Variants in NBAS observed in about 807,000 individuals in gnomAD.
NBAS encodes NBAS subunit of NRZ tethering complex.
Under a neutral mutation model 302.5 loss-of-function variants are expected in NBAS, and 219 were observed. The observed-to-expected ratio is 0.72, with a 90% CI of 0.65 to 0.81. NBAS has a LOEUF of 0.81. NBAS is among the 30% of genes least tolerant of loss of function. The pLI, the probability that NBAS is intolerant of heterozygous loss-of-function variation, is 0.00. For missense variants in NBAS, 2,932 were observed against 2,841.6 expected (o/e 1.03, Z -0.72); for synonymous variants, 1,118 against 1,021.6 (o/e 1.09, Z -1.80).
At chr2:14,935,489 A>G in the NBAS span, among the ~76,000 whole-genome samples, 37 of 152,112 alleles carry the variant, frequency 2.4e-4, no homozygotes, top group African/African-American at 8.0e-4. Context: ...TTTTTATGCT[A>G]TCAAATTTGT....
chr2:15,160,897 G>A, the NBAS span, among the ~76,000 whole-genome samples: 3 of 152,122 alleles, frequency 2.0e-5, no homozygotes, highest in African/African-American at 7.2e-5. Flanking sequence ...TCAGTAAGAA[G>A]GTAACATGAA....
the NBAS span, among the ~76,000 whole-genome samples, chr2:15,004,388 A>G: frequency 6.6e-6 from 1 of 152,212 alleles, no homozygotes; most frequent in Non-Finnish European, 1.5e-5. Context: ...TATTTTTATC[A>G]TTACATTTTC....
At chr2:15,355,807 C>A (rs987197261) in intron 33 of NBAS, among the ~76,000 whole-genome samples, 2 of 152,132 alleles carry the variant, frequency 1.3e-5, no homozygotes, top group African/African-American at 4.8e-5. Flanking sequence ...GCAGATGCTG[C>A]CCTACTTCCT....
At chr2:14,998,630 T>C in the NBAS span, among the ~76,000 whole-genome samples, 5 of 152,214 alleles carry the variant, frequency 3.3e-5, no homozygotes, top group Non-Finnish European at 5.9e-5. Context: ...TCCCATTCCC[T>C]TCCCTTCACA....
At chr2:15,521,836 T>C (rs1247518822) in intron 9 of NBAS, among the ~76,000 whole-genome samples, 1 of 152,180 alleles carries the variant, frequency 6.6e-6, no homozygotes, top group Non-Finnish European at 1.5e-5. Context: ...TAAAGCTTTA[T>C]GGAACACAGC....
chr2:15,211,507 G>A (rs1666409147), intron 48 of NBAS, among the ~76,000 whole-genome samples: 1 of 152,174 alleles, frequency 6.6e-6, no homozygotes, highest in South Asian at 2.1e-4. Flanking sequence ...CAAATGAAAA[G>A]TTATCCCCAG....
chr2:15,375,879 T>C (rs1393659393), intron 30 of NBAS, among the ~76,000 whole-genome samples: 1 of 151,756 alleles, frequency 6.6e-6, no homozygotes, highest in Non-Finnish European at 1.5e-5. Flanking sequence ...GAACTGTCTG[T>C]ACTCACATGA....
At chr2:14,942,934 A>G in the NBAS span, among the ~76,000 whole-genome samples, 2 of 152,340 alleles carry the variant, frequency 1.3e-5, no homozygotes, top group Middle Eastern at 3.4e-3. Context: ...TTGCAAAAGG[A>G]GAGCCAGGGA....
At chr2:15,388,663 C>T (rs1675431923) in intron 28 of NBAS, among the ~76,000 whole-genome samples, 1 of 152,112 alleles carries the variant, frequency 6.6e-6, no homozygotes, top group East Asian at 1.9e-4. Flanking sequence ...GAAATATGTA[C>T]ACCAGAAGAC....
chr2:15,541,204 T>C (rs1167381965), intron 6 of NBAS, among the ~76,000 whole-genome samples: 1 of 152,182 alleles, frequency 6.6e-6, no homozygotes, highest in African/African-American at 2.4e-5. Flanking sequence ...CATATTGTTG[T>C]TTACCTATTT....
chr2:15,345,793 G>C (rs374971863), intron 35 of NBAS, among the ~76,000 whole-genome samples: 38 of 152,186 alleles, frequency 2.5e-4, no homozygotes, highest in African/African-American at 8.9e-4. Context: ...GCATGGTCCT[G>C]GTACCAAAAC....
the NBAS span, among the ~76,000 whole-genome samples, chr2:14,829,142 G>T: frequency 1.3e-5 from 2 of 151,690 alleles, 1 homozygote; most frequent in African/African-American, 4.8e-5. Flanking sequence ...AAGAAGCCAA[G>T]GATCAGAACC....
At position 15,491,237 on chromosome 2, in the gene NBAS, C is replaced by A. The variant is rs77951483; in HGVS notation, c.955-2215G>T. On this transcript the variant is annotated intron_variant, in intron 11 of 51. Coordinates refer to ENST00000281513, the MANE Select transcript of NBAS (RefSeq NM_015909.4). ...CTAGGAAGAATTTTCTAACCTTTTGCTAAAAGCAAGTCATGATCCTCATTC... is the reference window on the plus strand; with the variant it reads ...CTAGGAAGAATTTTCTAACCTTTTGATAAAAGCAAGTCATGATCCTCATTC... 3.2e-3 allele frequency among the ~76,000 whole-genome samples: 494 copies of A among 152,242 alleles called. 6 individuals carry two copies. The highest frequency in any genetic ancestry group is 0.011 in the African/African-American group (461 of 41,540).
intron 35 of NBAS, among the ~76,000 whole-genome samples, chr2:15,338,273 T>C (rs1052035635): frequency 2.0e-4 from 31 of 152,198 alleles, no homozygotes; most frequent in Admixed American, 1.4e-3. Context: ...TTGGCACATA[T>C]AAACTAGGCA....
chr2:15,110,460 C>T, the NBAS span, among the ~76,000 whole-genome samples: 13 of 152,202 alleles, frequency 8.5e-5, no homozygotes, highest in Admixed American at 5.9e-4. Flanking sequence ...AGTGTTCATA[C>T]ATAATGTACA....
the NBAS span, among the ~76,000 whole-genome samples, chr2:14,781,657 G>A: frequency 6.6e-6 from 1 of 150,844 alleles, no homozygotes; most frequent in Non-Finnish European, 1.5e-5. Context: ...CCAGACTGGG[G>A]CCCCTCATTA....
At position 15,194,888 on chromosome 2, in the gene NBAS, G is replaced by C. The variant is rs1224564434; in HGVS notation, c.6433-4485C>G. Among the ~76,000 whole-genome samples, 4 of 151,998 alleles carry C rather than the reference G, an allele frequency of 2.6e-5. No homozygotes were observed. In the South Asian group the frequency reaches 8.3e-4, roughly 32 times the overall value. ...AATAATGCAAGAAAAAGAAATAACA[G>C]AGACATAAATTGGAAAGAAAAAATA... On this transcript the variant is annotated intron_variant, in intron 48 of 51. Transcript: ENST00000281513.
At chr2:15,036,925 C>A in the NBAS span, among the ~76,000 whole-genome samples, 2 of 152,208 alleles carry the variant, frequency 1.3e-5, no homozygotes, top group African/African-American at 2.4e-5. Flanking sequence ...GGATACCCTG[C>A]AGGTTAGGCA....
chr2:15,544,840 T>A (rs6708187), intron 6 of NBAS, among the ~76,000 whole-genome samples: 93,767 of 151,848 alleles, frequency 0.62, 29,817 homozygotes, highest in Non-Finnish European at 0.68. Context: ...TGAAATCCTA[T>A]CTCTACTAAA....
Sources: allele counts gnomAD v4.1 joint callset (sites outside exome capture counted in the v4.1 genomes callset), GRCh38; gene constraint gnomAD v4.1.1; transcripts MANE v1.5; gene names NCBI Gene and HGNC (gene_info 2026-07-23, HGNC 2026-07-21).